Variants in ARPP21 observed in about 807,000 individuals in gnomAD.
The protein encoded by ARPP21 is cAMP regulated phosphoprotein 21, also known as cAMP-regulated phosphoprotein 21.
In ARPP21, 69 loss-of-function variants were observed where a neutral mutation model predicts 113.2. That is an observed-to-expected ratio of 0.61 (90% CI 0.50 to 0.74). ARPP21 has a LOEUF of 0.74. Among genes scored for constraint, ARPP21 ranks in the 30% least tolerant of loss-of-function variants. The pLI is 0.00. For synonymous variants in ARPP21, 368 were observed against 375.5 expected (o/e 0.98, Z 0.23); for missense variants, 1,070 against 1,037.4 (o/e 1.03, Z -0.43).
intron 13 of ARPP21, among the ~76,000 whole-genome samples, chr3:35,720,883 T>C (rs1424140077): frequency 1.3e-5 from 2 of 152,232 alleles, no homozygotes; most frequent in Non-Finnish European, 2.9e-5. Context: ...TTTTTGTTAT[T>C]TCCATTGTTC....
In ARPP21 at chr3:35,695,656, T is replaced by C. The variant is rs917504870; in HGVS notation, c.686+4651T>C. ...CTGCCCATCCATTTCATGGTTCAAA[T>C]AGGCATTTAGGAAGGCTTTGAGAAA... On this transcript the variant is annotated intron_variant, in intron 9 of 20. Coordinates refer to ENST00000684406, the MANE Select transcript of ARPP21 (RefSeq NM_001385562.1). 9.9e-5 allele frequency among the ~76,000 whole-genome samples: 15 copies of C among 151,482 alleles called. No individual in the cohort carries two copies. In the South Asian group the frequency reaches 2.7e-3, roughly 27 times the overall value.
At chr3:35,679,404 G>A (rs989125792) in intron 1 of ARPP21, among the ~76,000 whole-genome samples, 9 of 151,264 alleles carry the variant, frequency 5.9e-5, no homozygotes, top group Middle Eastern at 3.4e-3. Context: ...TAAGACAAAG[G>A]CTTTGGTTAG....
intron 15 of ARPP21, among the ~76,000 whole-genome samples, chr3:35,730,631 C>T (rs959346217): frequency 6.6e-6 from 1 of 152,150 alleles, no homozygotes; most frequent in Non-Finnish European, 1.5e-5. Flanking sequence ...AGTTTGGTTT[C>T]GATCCTTCCA....
chr3:35,681,623 G>A, intron 2 of ARPP21, 91 bp from the exon 3 acceptor site: 1 of 693,332 alleles, frequency 1.4e-6, no homozygotes, highest in Non-Finnish European at 2.4e-6. Flanking sequence ...TTGCTCATTT[G>A]GATTTGAATA....
chr3:35,690,348 CT>C lies in ARPP21; in HGVS notation c.545+209del, dbSNP rs1243892238. On this transcript the variant is annotated intron_variant, in intron 8 of 20. Transcript: ENST00000684406. ...ATGTGTGCTTCTGCTTGTTAAATTC[CT>C]GACAAAATGGCTATAAACAGTGGGC... Among the ~76,000 whole-genome samples, 3 of 151,468 alleles carry C rather than the reference CT, an allele frequency of 2.0e-5. No homozygotes were observed. The East Asian group carries it at 5.9e-4, about 30-fold the overall frequency.
intron 19 of ARPP21, chr3:35,774,979 A>T (rs902633122): frequency 2.0e-5 from 3 of 152,136 alleles, no homozygotes; most frequent in African/African-American, 7.2e-5. Context: ...TCCTAAACTG[A>T]GGACTGAAGG....
At position 35,738,260 on chromosome 3, in the gene ARPP21, C is replaced by A; in HGVS notation, c.1691C>A (p.Ala564Glu). 1 of 1,536,362 alleles carries A rather than the reference C, an allele frequency of 6.5e-7. No homozygotes were observed. The highest frequency in any genetic ancestry group is 8.7e-7 in the Non-Finnish European group (1 of 1,146,846). Residue 564 changes from alanine to glutamate, a missense_variant, in exon 17 of 21, where the codon GCA becomes GAA. Transcript: ENST00000684406. ...TCCTCCCAGTCAGTGCAATATCCAG[C>A]AGTCTCTTTTCCTCCCCAGCACCTC... The part of the protein sequence containing the change: ...QASSQSVQYP[A>E]VSFPPQHLLP...
At chr3:35,751,374 A>G (rs575145911) in intron 19 of ARPP21, among the ~76,000 whole-genome samples, 2 of 152,152 alleles carry the variant, frequency 1.3e-5, no homozygotes, top group Non-Finnish European at 2.9e-5. Context: ...GGAGGCCATG[A>G]AAAAGAAATC....
At chr3:35,670,291 G>C (rs1040987197) in intron 1 of ARPP21, among the ~76,000 whole-genome samples, 2 of 152,030 alleles carry the variant, frequency 1.3e-5, no homozygotes, top group Non-Finnish European at 2.9e-5. Context: ...CCATCATGCA[G>C]ATGTTCACCT....
At chr3:35,706,850 C>G in intron 9 of ARPP21, 124 bp from the exon 10 acceptor site, 1 of 651,468 alleles carries the variant, frequency 1.5e-6, no homozygotes, top group Admixed American at 2.9e-5. Flanking sequence ...GCCAGCAACT[C>G]TAGTATGAAA....
At chr3:35,749,516 G>C (rs1375696648) in intron 19 of ARPP21, among the ~76,000 whole-genome samples, 1 of 150,128 alleles carries the variant, frequency 6.7e-6, no homozygotes, top group Non-Finnish European at 1.5e-5. Flanking sequence ...GAAGAAGTTT[G>C]GTTTAGTGTC....
chr3:35,702,080 T>G (rs73059237), intron 9 of ARPP21, among the ~76,000 whole-genome samples: 32 of 151,824 alleles, frequency 2.1e-4, no homozygotes, highest in Non-Finnish European at 3.1e-4. Context: ...AATAATTATT[T>G]TCATAATCAC....
chr3:35,763,418 TAA>T (rs2095849712), intron 19 of ARPP21, among the ~76,000 whole-genome samples: 1 of 152,150 alleles, frequency 6.6e-6, no homozygotes, highest in Non-Finnish European at 1.5e-5. Context: ...TGGTAAATTT[TAA>T]AAGTCTTGAT....
intron 1 of ARPP21, chr3:35,651,831 C>A (rs1358099453): frequency 6.6e-6 from 1 of 152,076 alleles, no homozygotes; most frequent in Non-Finnish European, 1.5e-5. Context: ...AAACCCCTCC[C>A]AGTGTTGAGA....
chr3:35,650,174 A>G (rs941620573), intron 1 of ARPP21: 2 of 152,162 alleles, frequency 1.3e-5, no homozygotes, highest in African/African-American at 2.4e-5. Context: ...AATACATTCG[A>G]GAACACATTG....
intron 9 of ARPP21, among the ~76,000 whole-genome samples, chr3:35,697,555 C>T (rs2084538711): frequency 1.3e-5 from 2 of 151,456 alleles, no homozygotes; most frequent in Admixed American, 1.3e-4. Context: ...CAATGGAAAC[C>T]AATTGATTTT....
At chr3:35,660,352 T>G (rs1471384141) in intron 1 of ARPP21, among the ~76,000 whole-genome samples, 2 of 152,194 alleles carry the variant, frequency 1.3e-5, no homozygotes, top group Non-Finnish European at 2.9e-5. Context: ...TCTTTGAATT[T>G]GTTCTTAGCC....
chr3:35,791,038 A>G (rs1171720752), intron 19 of ARPP21, among the ~76,000 whole-genome samples: 1 of 152,200 alleles, frequency 6.6e-6, no homozygotes, highest in Non-Finnish European at 1.5e-5. Flanking sequence ...ATCTCATTTG[A>G]TGAACTGAGC....
intron 9 of ARPP21, among the ~76,000 whole-genome samples, chr3:35,699,784 A>G (rs115059094): frequency 1.4e-3 from 208 of 151,932 alleles, no homozygotes; most frequent in African/African-American, 4.6e-3. Flanking sequence ...ATGGGCTTCA[A>G]TGGAATGCTT....
Sources: gnomAD v4.1 joint callset for allele counts (sites outside exome capture counted in the v4.1 genomes callset) on GRCh38, gnomAD v4.1.1 for gene constraint, MANE v1.5 for transcripts, NCBI Gene and HGNC (gene_info 2026-07-23, HGNC 2026-07-21) for gene names.